Variants in PPIP5K2 observed in about 807,000 individuals in gnomAD.
The protein encoded by PPIP5K2 is diphosphoinositol pentakisphosphate kinase 2, also known as inositol hexakisphosphate and diphosphoinositol-pentakisphosphate kinase 2.
PPIP5K2 carries 105 observed loss-of-function variants against 154.6 expected under a neutral mutation model. The ratio of observed to expected loss-of-function variants is 0.68; its 90% CI spans 0.58 to 0.80. The LOEUF is 0.80. PPIP5K2 is among the 30% of genes least tolerant of loss of function. PPIP5K2 has a pLI of 0.00. For missense variants in PPIP5K2, 992 were observed against 1,504.6 expected, an observed-to-expected ratio of 0.66 and a Z score of 5.64; for synonymous variants, 480 against 490.3, an observed-to-expected ratio of 0.98 and a Z score of 0.28.
At chr5:103,137,572 AAT>A (rs1231443588) in intron 4 of PPIP5K2, among the ~76,000 whole-genome samples, 1 of 152,172 alleles carries the variant, frequency 6.6e-6, no homozygotes, top group Non-Finnish European at 1.5e-5. Context: ...TAAATTATAA[AAT>A]ATGAGTGTAT....
At chr5:103,186,580 T>C (rs1225057728) in intron 27 of PPIP5K2, 141 bp downstream of exon 27, 2 of 1,122,702 alleles carry the variant, frequency 1.8e-6, no homozygotes, top group Non-Finnish European at 2.6e-6. Context: ...CTATCAGTGC[T>C]CTCTGTTATC....
At chr5:103,127,718 C>A (rs966703144) in intron 1 of PPIP5K2, among the ~76,000 whole-genome samples, 1 of 152,128 alleles carries the variant, frequency 6.6e-6, no homozygotes, top group Non-Finnish European at 1.5e-5. Flanking sequence ...AGACTAATAG[C>A]AACTAGCACA....
At chr5:103,165,400 A>C (rs1554217490) in intron 17 of PPIP5K2, among the ~76,000 whole-genome samples, 1 of 152,088 alleles carries the variant, frequency 6.6e-6, no homozygotes, top group East Asian at 1.9e-4. Flanking sequence ...TAATGTGAAC[A>C]ATGAACATAT....
At chr5:103,131,303 C>T (rs1790566084) in intron 2 of PPIP5K2, among the ~76,000 whole-genome samples, 1 of 152,094 alleles carries the variant, frequency 6.6e-6, no homozygotes, top group Non-Finnish European at 1.5e-5. Context: ...TGCATCTACC[C>T]ATGTTTTAAA....
rs1308951726 is a variant in PPIP5K2 at position 103,202,822 on chromosome 5, A to G, written c.*1188A>G. 5 of 152,162 alleles carry G rather than the reference A, an allele frequency of 3.3e-5. No individual in the cohort carries two copies. The highest frequency in any genetic ancestry group is 5.9e-5 in the Non-Finnish European group (4 of 68,002). 9.4% of individuals were successfully genotyped at this position (152,162 alleles called of 1,614,324 possible). On this transcript the variant is annotated 3_prime_UTR_variant, in exon 31 of 31. Transcript: ENST00000358359. ...GAATTTCATGCATTGGTAGTTAAAT[A>G]ACTTAAATTGCTAAAGCTTTAGCTT...
chr5:103,149,118 A>G, intron 7 of PPIP5K2, 34 bp from the exon 8 acceptor site: 2 of 1,509,112 alleles, frequency 1.3e-6, no homozygotes, highest in Non-Finnish European at 1.8e-6. Flanking sequence ...ACATACATAT[A>G]TATATTTATA....
rs1273112186 is a variant in PPIP5K2 at position 103,204,471 on chromosome 5, G to A, written c.*2837G>A. ...GGAACATTTTTCTTTTTTAGACAAGGTCTCATTCTGTCACCCCAGCTGGAG... is the reference window on the plus strand; with the variant it reads ...GGAACATTTTTCTTTTTTAGACAAGATCTCATTCTGTCACCCCAGCTGGAG... On this transcript the variant is annotated 3_prime_UTR_variant, in exon 31 of 31. Transcript: ENST00000358359. 6.6e-6 allele frequency: 1 copy of A among 152,092 alleles called. No individual in the cohort carries two copies. Among genetic ancestry groups the A allele is most frequent in the Non-Finnish European group, 1.5e-5 (1 of 68,042 alleles). 9.4% of individuals were successfully genotyped at this position (152,092 alleles called of 1,614,324 possible).
At position 103,160,253 on chromosome 5, in the gene PPIP5K2, T is replaced by A. The variant is rs376657908; in HGVS notation, c.1920+925T>A. ...TGGGAATGCAAATATCTCCTTGATATACGATTTCATTTCCTTTAGCTGTAT... is the reference window on the plus strand; with the variant it reads ...TGGGAATGCAAATATCTCCTTGATAAACGATTTCATTTCCTTTAGCTGTAT... On this transcript the variant is annotated intron_variant, in intron 17 of 30. Coordinates refer to ENST00000358359, the MANE Select transcript of PPIP5K2 (RefSeq NM_001276277.3). Among the ~76,000 whole-genome samples, 34 of 152,332 alleles carry A rather than the reference T, an allele frequency of 2.2e-4. No individual in the cohort carries two copies. In the East Asian group the frequency reaches 5.2e-3, roughly 23 times the overall value.
chr5:103,195,587 T>G (rs1312117821), intron 30 of PPIP5K2, among the ~76,000 whole-genome samples: 1 of 152,206 alleles, frequency 6.6e-6, no homozygotes, highest in African/African-American at 2.4e-5. Context: ...CACATTTAAT[T>G]GTATTTTTGA....
Position 103,149,324 on chromosome 5 carries a change from A to G in PPIP5K2, c.906+11A>G. ...TGCCTTGCTTTTAAGGTAAGATGTT[A>G]TACAGGCCTATAGATCCTTATAAAG... On this transcript the variant is annotated intron_variant, in intron 8 of 30. Transcript: ENST00000358359. 1.9e-6 allele frequency: 3 copies of G among 1,609,740 alleles called. No homozygotes were observed. The highest frequency in any genetic ancestry group is 2.2e-5 in the East Asian group (1 of 44,782).
At position 103,121,756 on chromosome 5, in the gene PPIP5K2, G is replaced by T. The variant is rs554105421; in HGVS notation, c.-285+1268G>T. 8.5e-5 allele frequency among the ~76,000 whole-genome samples: 13 copies of T among 152,288 alleles called. No individual in the cohort carries two copies. In the East Asian group the frequency reaches 2.5e-3, roughly 29 times the overall value. ...ATTTGCAGAAAATTTTAAAATCAAAGGTTGCTGTTTTAAATGTTAAATTCA... is the reference window on the plus strand; with the variant it reads ...ATTTGCAGAAAATTTTAAAATCAAATGTTGCTGTTTTAAATGTTAAATTCA... On this transcript the variant is annotated intron_variant, in intron 1 of 30. Transcript: ENST00000358359.
chr5:103,170,112 C>T (rs781825602), intron 19 of PPIP5K2, among the ~76,000 whole-genome samples: 1 of 151,512 alleles, frequency 6.6e-6, no homozygotes, highest in African/African-American at 2.4e-5. Flanking sequence ...AAAGAAAACT[C>T]AAGTGTTAAC....
At chr5:103,147,551 A>C (rs1562407127) in intron 6 of PPIP5K2, among the ~76,000 whole-genome samples, 1 of 152,000 alleles carries the variant, frequency 6.6e-6, no homozygotes, top group Non-Finnish European at 1.5e-5. Flanking sequence ...ACATTATTGT[A>C]ATCACCAAAG....
chr5:103,184,699 A>G lies in PPIP5K2; in HGVS notation c.3124A>G (p.Arg1042Gly), dbSNP rs26821. Residue 1042 changes from arginine to glycine, a missense_variant, in exon 26 of 31, where the codon AGA becomes GGA. This residue lies in a region of PPIP5K2 where 204 missense variants were observed against 224.0 expected (regional missense o/e 0.91). Transcript: ENST00000358359. ...QVVSENANYLRTPRTLVEQKQ... is the reference protein window; with the variant it reads ...QVVSENANYLGTPRTLVEQKQ... ...TGTATCTGAAAATGCTAATTACCTG[A>G]GAACACCAAGAACTCTTGTGGAACA... 35 of 1,611,840 alleles carry G rather than the reference A, an allele frequency of 2.2e-5. No individual in the cohort carries two copies. The highest frequency in any genetic ancestry group is 1.7e-4 in the Middle Eastern group (1 of 6,048).
intron 21 of PPIP5K2, among the ~76,000 whole-genome samples, chr5:103,174,343 G>A (rs560209038): frequency 5.9e-5 from 9 of 152,036 alleles, no homozygotes; most frequent in African/African-American, 1.2e-4. Context: ...CTACTATTAC[G>A]TAATGACATA....
intron 1 of PPIP5K2, among the ~76,000 whole-genome samples, chr5:103,121,318 A>G (rs1351920607): frequency 6.6e-6 from 1 of 152,236 alleles, no homozygotes; most frequent in Non-Finnish European, 1.5e-5. Context: ...CGAGTGCTTT[A>G]CATAGTTTGT....
chr5:103,141,541 T>C (rs544149346), intron 5 of PPIP5K2, among the ~76,000 whole-genome samples: 2 of 152,270 alleles, frequency 1.3e-5, no homozygotes, highest in African/African-American at 4.8e-5. Flanking sequence ...TAGAGCCGAG[T>C]GGCCTGTTTT....
At chr5:103,189,786 A>G (rs1434784696) in intron 28 of PPIP5K2, among the ~76,000 whole-genome samples, 2 of 152,058 alleles carry the variant, frequency 1.3e-5, no homozygotes, top group East Asian at 1.9e-4. Flanking sequence ...ATTTCCTTCA[A>G]TATTTAAATG....
intron 18 of PPIP5K2, among the ~76,000 whole-genome samples, chr5:103,167,801 T>G (rs376073819): frequency 6.6e-6 from 1 of 151,916 alleles, no homozygotes; most frequent in Non-Finnish European, 1.5e-5. Flanking sequence ...ATTGAAAATA[T>G]ATGAGCTTAA....
Sources: allele counts gnomAD v4.1 joint callset (sites outside exome capture counted in the v4.1 genomes callset), GRCh38; gene constraint gnomAD v4.1.1; regional missense constraint gnomAD v4.1.1; transcripts MANE v1.5; gene names NCBI Gene and HGNC (gene_info 2026-07-23, HGNC 2026-07-21).